GRM8: variants seen among roughly 807,000 people sequenced by gnomAD.
GRM8 encodes glutamate metabotropic receptor 8, also known as metabotropic glutamate receptor 8.
In GRM8, 47 loss-of-function variants were observed where a neutral mutation model predicts 87.2. The ratio of observed to expected loss-of-function variants is 0.54; its 90% confidence interval spans 0.43 to 0.69. The LOEUF (loss-of-function observed/expected upper bound fraction) is 0.69. Ranked by LOEUF, GRM8 falls within the 30% of genes least tolerant of loss-of-function variation. The probability of loss-of-function intolerance (pLI) is 0.00; values close to 1 mark genes in which losing one functional copy is unlikely to be tolerated. For missense variants in GRM8, 1,019 were observed against 1,139.2 expected (o/e 0.89, Z 1.52); for synonymous variants, 396 against 404.5 (o/e 0.98, Z 0.25).
At chr7:127,166,660 G>A (rs925803176) in intron 2 of GRM8, among the ~76,000 whole-genome samples, 4 of 152,106 alleles carry the variant, frequency 2.6e-5, no homozygotes, top group African/African-American at 9.7e-5. Flanking sequence ...ATTAATATGA[G>A]AGAGAATGTT....
intron 2 of GRM8, among the ~76,000 whole-genome samples, chr7:127,128,373 A>C (rs1827489774): frequency 6.6e-6 from 1 of 152,108 alleles, no homozygotes; most frequent in Non-Finnish European, 1.5e-5. Context: ...CAGTGGAGTT[A>C]CTGGAAGGTT....
intron 7 of GRM8, among the ~76,000 whole-genome samples, chr7:126,659,671 C>T (rs1257584127): frequency 1.3e-5 from 2 of 152,156 alleles, no homozygotes; most frequent in East Asian, 1.9e-4. Context: ...GTGTGCTTTG[C>T]CATTTCATTT....
At chr7:126,967,521 G>A (rs1809995908) in intron 3 of GRM8, among the ~76,000 whole-genome samples, 1 of 146,016 alleles carries the variant, frequency 6.8e-6, no homozygotes, top group South Asian at 2.3e-4. Context: ...CTTGGATTAT[G>A]TGAAAACCTC....
At chr7:127,220,681 G>A (rs1468783370) in intron 2 of GRM8, among the ~76,000 whole-genome samples, 2 of 152,032 alleles carry the variant, frequency 1.3e-5, no homozygotes, top group African/African-American at 4.8e-5. Context: ...TAGAAACAAT[G>A]TCTCAGTATG....
intron 6 of GRM8, among the ~76,000 whole-genome samples, chr7:126,853,634 G>A (rs17684388): frequency 0.099 from 15,027 of 152,118 alleles, 1,104 homozygotes; most frequent in Non-Finnish European, 0.13. Flanking sequence ...ACCTTGATGA[G>A]CAACAAGTAG....
chr7:126,974,533 A>C (rs992724626), intron 3 of GRM8, among the ~76,000 whole-genome samples: 12 of 152,160 alleles, frequency 7.9e-5, no homozygotes, highest in Non-Finnish European at 1.8e-4. Context: ...AAAATGAGAA[A>C]ATATGGGGAA....
intron 6 of GRM8, among the ~76,000 whole-genome samples, chr7:126,790,852 A>T (rs1756720275): frequency 6.6e-6 from 1 of 152,166 alleles, no homozygotes; most frequent in Admixed American, 6.5e-5. Flanking sequence ...GTCGGTGAGA[A>T]TCCAGGGCTC....
At chr7:126,871,384 A>G (rs1799083436) in intron 6 of GRM8, among the ~76,000 whole-genome samples, 4 of 152,200 alleles carry the variant, frequency 2.6e-5, no homozygotes, top group Admixed American at 2.6e-4. Flanking sequence ...GACGTTCCGG[A>G]GTGCCTTATA....
rs564709787 is a variant in GRM8, at chr7:127,194,322, C to T, written c.510+48373G>A. Among the ~76,000 whole-genome samples the T allele has an allele frequency of 1.1e-4, 16 of 152,186 alleles. No homozygotes were observed. In the South Asian group the frequency reaches 2.3e-3, roughly 22 times the overall value. ...AATAAGAACAATGTTTGCAGGACTG[C>T]GGCGTAAATAAGCTAATACACAGGT... On this transcript the variant is annotated intron_variant, in intron 2 of 10. Coordinates refer to ENST00000339582, the MANE Select transcript of GRM8 (RefSeq NM_000845.3).
intron 3 of GRM8, among the ~76,000 whole-genome samples, chr7:126,987,555 G>A (rs1812221171): frequency 6.6e-6 from 1 of 151,992 alleles, no homozygotes; most frequent in African/African-American, 2.4e-5. Context: ...CCGCCTCCCA[G>A]GTTCACGCCA....
At chr7:127,158,851 C>A (rs1231135138) in intron 2 of GRM8, among the ~76,000 whole-genome samples, 1 of 152,012 alleles carries the variant, frequency 6.6e-6, no homozygotes, top group Non-Finnish European at 1.5e-5. Flanking sequence ...TTTACTGCCC[C>A]CTAGCTGTAG....
intron 6 of GRM8, among the ~76,000 whole-genome samples, chr7:126,780,275 T>C (rs1023761803): frequency 1.3e-5 from 2 of 152,156 alleles, no homozygotes; most frequent in African/African-American, 2.4e-5. Context: ...TAACCTCCTA[T>C]GCACCTTATC....
chr7:127,192,347 T>C (rs1795070761), intron 2 of GRM8, among the ~76,000 whole-genome samples: 2 of 152,232 alleles, frequency 1.3e-5, no homozygotes, highest in African/African-American at 4.8e-5. Context: ...TTGTCATTGT[T>C]GTTTAAAATT....
chr7:127,055,661 TTA>T lies in GRM8; in HGVS notation c.727+50833_727+50834del, dbSNP rs200361150. Among the ~76,000 whole-genome samples the T allele has an allele frequency of 5.7e-3, 778 of 137,380 alleles. 9 individuals carry two copies. The highest frequency in any genetic ancestry group is 0.016 in the African/African-American group (651 of 39,944). The allele number at this position is 137,380 out of a possible 152,430, so 90.1% of individuals were successfully genotyped here. On this transcript the variant is annotated intron_variant, in intron 3 of 10. Coordinates refer to ENST00000339582, the MANE Select transcript of GRM8 (RefSeq NM_000845.3). ...CAATCTGCTACCCATCCCCAAATAT[TTA>T]TATATACACACACACACACTCACAT...
At chr7:126,503,525 T>C (rs879469006) in intron 9 of GRM8, among the ~76,000 whole-genome samples, 28 of 152,116 alleles carry the variant, frequency 1.8e-4, no homozygotes, top group African/African-American at 2.7e-4. Context: ...TGTTTCATTG[T>C]TGTTAGCAAA....
chr7:126,535,969 C>T (rs941744558), intron 8 of GRM8, among the ~76,000 whole-genome samples: 2 of 152,184 alleles, frequency 1.3e-5, no homozygotes, highest in Non-Finnish European at 2.9e-5. Context: ...GCCAGGAAAA[C>T]ACAGCTAACC....
intron 7 of GRM8, among the ~76,000 whole-genome samples, chr7:126,759,249 A>G (rs1250348944): frequency 2.6e-5 from 4 of 152,114 alleles, no homozygotes; most frequent in African/African-American, 9.7e-5. Flanking sequence ...TGTAATTATA[A>G]AAGTTAACAG....
intron 6 of GRM8, among the ~76,000 whole-genome samples, chr7:126,835,047 G>A (rs1319307773): frequency 1.3e-5 from 2 of 149,468 alleles, no homozygotes; most frequent in African/African-American, 4.9e-5. Context: ...CTGCACTCCA[G>A]CCTGGGTGAC....
intron 6 of GRM8, among the ~76,000 whole-genome samples, chr7:126,867,480 T>C (rs575497530): frequency 1.3e-5 from 2 of 152,322 alleles, no homozygotes; most frequent in South Asian, 4.1e-4. Flanking sequence ...TTGATGTCAA[T>C]ATTTTCAAGT....
Sources: gnomAD v4.1 joint callset for allele counts (sites outside exome capture counted in the v4.1 genomes callset) on GRCh38, gnomAD v4.1.1 for gene constraint, MANE v1.5 for transcripts, NCBI Gene and HGNC (gene_info 2026-07-23, HGNC 2026-07-21) for gene names.